GAN: variants seen among roughly 807,000 people sequenced by gnomAD.
The protein encoded by GAN is epididymis secretory sperm binding protein.
Under a neutral mutation model 71.3 loss-of-function variants are expected in GAN, and 48 were observed. That is an observed-to-expected ratio of 0.67 (90% confidence interval 0.53 to 0.86). The LOEUF (loss-of-function observed/expected upper bound fraction) is 0.86. GAN is among the 40% of genes least tolerant of loss of function. GAN has a pLI of 0.00. For missense variants in GAN, 928 were observed against 770.1 expected (o/e 1.21, Z -2.43); for synonymous variants, 386 against 276.8 (o/e 1.39, Z -3.92).
rs1314423771 is a variant in GAN, at chr16:81,379,133, AC to A, written c.*1538del. 1 of 152,188 alleles carries A rather than the reference AC, an allele frequency of 6.6e-6. No homozygotes were observed. The highest frequency in any genetic ancestry group is 1.9e-4 in the East Asian group (1 of 5,202). 9.4% of individuals were successfully genotyped at this position (152,188 alleles called of 1,614,324 possible). A position where few individuals can be genotyped will look rare whatever the true frequency, so the allele number is the denominator to read the frequency against. On this transcript the variant is annotated 3_prime_UTR_variant, in exon 11 of 11. Transcript: ENST00000648994. Reference sequence around the variant, plus strand: ...GGTATCCTTTGGTTTTAAGTCGAGAACAGGAATTTCTTCTAGAAACTTCCTG... The same window carrying A: ...GGTATCCTTTGGTTTTAAGTCGAGAAAGGAATTTCTTCTAGAAACTTCCTG...
At chr16:81,331,302 C>G (rs1235019283) in intron 1 of GAN, among the ~76,000 whole-genome samples, 1 of 152,192 alleles carries the variant, frequency 6.6e-6, no homozygotes, top group Non-Finnish European at 1.5e-5. Flanking sequence ...GAAGGAAGGA[C>G]AAACTGTCAC....
intron 1 of GAN, among the ~76,000 whole-genome samples, chr16:81,325,548 A>G (rs1456645169): frequency 6.6e-6 from 1 of 152,214 alleles, no homozygotes; most frequent in African/African-American, 2.4e-5. Flanking sequence ...TACCATACTG[A>G]AGCCCTACTT....
rs532050145 is a variant in GAN at position 81,323,225 on chromosome 16, T to G, written c.167+7945T>G. ...CTTCTCTCGGGGTTTTTGGTGGGTT[T>G]GTTTGTTCTCCTGCTTGGCCTCCTT... On this transcript the variant is annotated intron_variant, in intron 1 of 10. Coordinates refer to ENST00000648994, the MANE Select transcript of GAN (RefSeq NM_022041.4). Among the ~76,000 whole-genome samples, 18 of 152,242 alleles carry G rather than the reference T, an allele frequency of 1.2e-4. No homozygotes were observed. In the South Asian group the frequency reaches 3.5e-3, roughly 30 times the overall value.
intron 1 of GAN, among the ~76,000 whole-genome samples, chr16:81,341,260 C>A (rs942415655): frequency 6.6e-6 from 1 of 152,122 alleles, no homozygotes; most frequent in Admixed American, 6.6e-5. Flanking sequence ...CCTAGGGAGG[C>A]AGGCCAACAT....
intron 5 of GAN, 24 bp downstream of exon 5, chr16:81,357,955 C>CT: frequency 6.2e-7 from 1 of 1,604,162 alleles, no homozygotes; most frequent in Non-Finnish European, 8.5e-7. Context: ...GCAAATTTTC[C>CT]TTAAACAGCA....
intron 3 of GAN, among the ~76,000 whole-genome samples, chr16:81,355,404 G>GA (rs750796979): frequency 6.6e-6 from 1 of 152,216 alleles, no homozygotes; most frequent in Non-Finnish European, 1.5e-5. Flanking sequence ...CTCCCAGGCT[G>GA]AAGGGCAGTA....
rs545269106 is a variant in GAN at position 81,347,879 on chromosome 16, C to T, written c.168-3704C>T. Among the ~76,000 whole-genome samples, 9 of 152,084 alleles carry T rather than the reference C, an allele frequency of 5.9e-5. No individual in the cohort carries two copies. In the South Asian group the frequency reaches 1.0e-3, roughly 18 times the overall value. ...GCTCTGGAGTGGGTCTATTTTCATC[C>T]GTTACTGAGAGTACTTCCTTAATAG... On this transcript the variant is annotated intron_variant, in intron 1 of 10. Transcript: ENST00000648994.
intron 1 of GAN, among the ~76,000 whole-genome samples, chr16:81,333,422 G>C (rs534839427): frequency 1.3e-5 from 2 of 152,180 alleles, no homozygotes; most frequent in African/African-American, 4.8e-5. Context: ...GTATTTATTA[G>C]GTGGACTCTG....
rs1015371026 is a variant in GAN at position 81,387,868 on chromosome 16, C to A, written c.*10272C>A. 1 of 152,044 alleles carries A rather than the reference C, an allele frequency of 6.6e-6. No homozygotes were observed. The highest frequency in any genetic ancestry group is 2.4e-5 in the African/African-American group (1 of 41,386). The allele number at this position is 152,044 out of a possible 1,614,324, so 9.4% of individuals were successfully genotyped here. A position where few individuals can be genotyped will look rare whatever the true frequency, so the allele number is the denominator to read the frequency against. On this transcript the variant is annotated 3_prime_UTR_variant, in exon 11 of 11. Coordinates refer to ENST00000648994, the MANE Select transcript of GAN (RefSeq NM_022041.4). ...GGTCTGCTCAGAAATAGGGGAAACA[C>A]GGGATCAAGATCATTAGAGATTTAT...
At position 81,377,421 on chromosome 16, in the gene GAN, A is replaced by T. The variant is rs754810915; in HGVS notation, c.1619A>T (p.Asn540Ile). 1 of 1,613,946 alleles carries T rather than the reference A, an allele frequency of 6.2e-7. No homozygotes were observed. Residue 540 changes from asparagine to isoleucine, a missense_variant, in exon 11 of 11, where the codon AAT becomes ATT. By Grantham distance (149) the Asn-to-Ile change is moderately radical. Transcript: ENST00000648994. The stretch of plus-strand genomic sequence containing the variant: ...GCTTATTTCTGTGGCTTAGGTACCA[A>T]TTACGACTACGTGCGTGAGTTTAAA... ...YVIGDLDTGTNYDYVREFKRS... is the reference protein window; with the variant it reads ...YVIGDLDTGTIYDYVREFKRS...
In GAN at chr16:81,387,672, C is replaced by G. The variant is rs1164663659; in HGVS notation, c.*10076C>G. The G allele has an allele frequency of 6.6e-6, 1 of 152,100 alleles. No individual in the cohort carries two copies. The highest frequency in any genetic ancestry group is 2.1e-4 in the South Asian group (1 of 4,802). The allele number at this position is 152,100 out of a possible 1,614,324, so 9.4% of individuals were successfully genotyped here. ...CTCTACTAAAAATACAAAAATTAGCCGAGTGTGTTGGTGGGCCCCTGTAAT... is the reference window on the plus strand; with the variant it reads ...CTCTACTAAAAATACAAAAATTAGCGGAGTGTGTTGGTGGGCCCCTGTAAT... On this transcript the variant is annotated 3_prime_UTR_variant, in exon 11 of 11. Transcript: ENST00000648994.
chr16:81,369,130 G>A (rs534517449), intron 9 of GAN, among the ~76,000 whole-genome samples: 34 of 152,238 alleles, frequency 2.2e-4, no homozygotes, highest in Non-Finnish European at 4.3e-4. Flanking sequence ...TAAATTAACT[G>A]TTCTTTGAAG....
At chr16:81,317,156 G>A (rs945633424) in intron 1 of GAN, among the ~76,000 whole-genome samples, 1 of 152,126 alleles carries the variant, frequency 6.6e-6, no homozygotes, top group Non-Finnish European at 1.5e-5. Context: ...GGCACCCGGC[G>A]GTGTTTTCTT....
chr16:81,356,887 A>G lies in GAN; in HGVS notation c.736A>G (p.Lys246Glu), dbSNP rs1171889536. 1.2e-6 allele frequency: 2 copies of G among 1,613,990 alleles called. No homozygotes were observed. The highest frequency in any genetic ancestry group is 2.2e-5 in the East Asian group (1 of 44,880). ...TGAACCATTAGTACGAGAAATTGTC[A>G]AAGAGTGTAGCAATATACCGCTCAG... ...LNEPLVREIV[K>E]ECSNIPLSQP... Residue 246 changes from lysine to glutamate, a missense_variant, in exon 4 of 11, where the codon AAA (lysine) becomes GAA (glutamate). Lys to Glu is a moderately conservative substitution (Grantham distance 56). Transcript: ENST00000648994.
rs774430302 is a variant in GAN, at chr16:81,363,772, G to C, written c.1087-22G>C. ...TATGATCATTGGCCTTGTGTGTTCA[G>C]GGATCGCTAATGTAATTTCAGGCAA... is the stretch of plus-strand genomic sequence containing the variant. On this transcript the variant is annotated intron_variant, in intron 6 of 10. Transcript: ENST00000648994. The C allele has an allele frequency of 3.7e-6, 6 of 1,610,312 alleles. No homozygotes were observed. In the African/African-American group the frequency reaches 5.3e-5, roughly 14 times the overall value.
intron 9 of GAN, among the ~76,000 whole-genome samples, chr16:81,375,436 A>C (rs890333596): frequency 6.8e-6 from 1 of 147,890 alleles, no homozygotes; most frequent in Non-Finnish European, 1.5e-5. Context: ...TCCTTGACTC[A>C]AGCAATCCTC....
Position 81,365,478 on chromosome 16 carries a change from G to T in GAN, c.1502G>T (p.Arg501Met). ...GAGTTCTACCATGATGAGTTTAAAA[G>T]GTAACTAAGAATGGTTTCACATAGC... is the stretch of plus-strand genomic sequence containing the variant. ...KSEFYHDEFK[R>M]WIYLNDQNLC... Residue 501 changes from arginine (R) to methionine (M), a missense_variant and splice_region_variant, in exon 9 of 11, where the codon AGG (arginine) becomes ATG (methionine). Coordinates refer to ENST00000648994, the MANE Select transcript of GAN (RefSeq NM_022041.4). The T allele has an allele frequency of 6.2e-7, 1 of 1,613,326 alleles. No individual in the cohort carries two copies. The highest frequency in any genetic ancestry group is 8.5e-7 in the Non-Finnish European group (1 of 1,179,742).
intron 3 of GAN, among the ~76,000 whole-genome samples, chr16:81,355,292 T>G (rs1282453414): frequency 6.6e-6 from 1 of 152,164 alleles, no homozygotes; most frequent in East Asian, 1.9e-4. Flanking sequence ...AGTGAAGGTC[T>G]TAAAGAATAT....
At chr16:81,358,844 G>C (rs778643707) in intron 5 of GAN, among the ~76,000 whole-genome samples, 1 of 152,194 alleles carries the variant, frequency 6.6e-6, no homozygotes, top group East Asian at 1.9e-4. Context: ...TTGTCCACCT[G>C]ATAAGTGTCA....
Sources: allele counts gnomAD v4.1 joint callset (sites outside exome capture counted in the v4.1 genomes callset), GRCh38; gene constraint gnomAD v4.1.1; transcripts MANE v1.5; gene names NCBI Gene and HGNC (gene_info 2026-07-23, HGNC 2026-07-21).